The following MAP3K14 variants were observed in gnomAD, a reference collection of about 807,000 sequenced individuals.
The protein encoded by MAP3K14 is NF-kappa-beta-inducing kinase.
MAP3K14 carries 16 observed loss-of-function variants against 99.2 expected under a neutral mutation model. The ratio of observed to expected loss-of-function variants is 0.16; its 90% CI spans 0.11 to 0.24. MAP3K14 has a LOEUF of 0.24. MAP3K14 is among the 10% of genes least tolerant of loss of function. The pLI, the probability that MAP3K14 is intolerant of heterozygous loss-of-function variation, is 1.00. For missense variants in MAP3K14, 784 were observed against 1,208.7 expected (o/e 0.65, Z 5.21); for synonymous variants, 462 against 492.4 (o/e 0.94, Z 0.82).
rs768836429 is a variant in MAP3K14, at chr17:45,286,891, C to G, written c.692G>C (p.Ser231Thr). ...LPRSELHKLI[S>T]PLQCLNHVWK... ...CACGTGGTTCAGACATTGCAAGGGG[C>G]TGATCAGTTTGTGGAGTTCTGATCG... The change falls in exon 5 of 16, where the codon AGC (serine) becomes ACC (threonine). Residue 231 changes from serine to threonine, a missense_variant. Physicochemically the swap from Ser to Thr is moderately conservative, Grantham distance 58. Around this residue, in one of 5 missense-constraint regions of MAP3K14, gnomAD observed 188 missense variants for 313.0 expected, o/e 0.60. Coordinates refer to ENST00000344686, the MANE Select transcript of MAP3K14 (RefSeq NM_003954.5). The surrounding 1 kb of genome is among the most constrained non-coding windows in gnomAD (Gnocchi z 4.1). The G allele has an allele frequency of 6.2e-7, 1 of 1,614,028 alleles. No homozygotes were observed. Among genetic ancestry groups the G allele is most frequent in the Admixed American group, 1.7e-5 (1 of 60,024 alleles).
In MAP3K14 at chr17:45,264,786, G is replaced by A. The variant is rs374276374; in HGVS notation, c.2694C>T (p.Ala898=). Residue 898 remains alanine (A), a synonymous_variant, in exon 16 of 16, where the codon GCC becomes GCT. Coordinates refer to ENST00000344686, the MANE Select transcript of MAP3K14 (RefSeq NM_003954.5). ...TGISSQIPAA[A]FSLVTKDGQP... ...GCCCGTCTTTGGTGACCAAGCTGAAGGCTGCAGCTGGGATCTAAGGGTGGA... is the reference window on the plus strand; with the variant it reads ...GCCCGTCTTTGGTGACCAAGCTGAAAGCTGCAGCTGGGATCTAAGGGTGGA... 4.3e-5 allele frequency: 70 copies of A among 1,613,248 alleles called. No individual in the cohort carries two copies. The highest frequency in any genetic ancestry group is 5.7e-5 in the Non-Finnish European group (67 of 1,179,662).
chr17:45,287,410 G>C, intron 3 of MAP3K14, 46 bp from the exon 4 acceptor site: 4 of 1,540,450 alleles, frequency 2.6e-6, no homozygotes, highest in Admixed American at 1.7e-5. Context: ...GAGGAAGCAG[G>C]AAGATGGACT....
At chr17:45,284,364 G>A (rs1204777518) in intron 6 of MAP3K14, among the ~76,000 whole-genome samples, 1 of 152,364 alleles carries the variant, frequency 6.6e-6, no homozygotes, top group African/African-American at 2.4e-5. Flanking sequence ...GACTCTGGCA[G>A]ATCTGCCCAC....
At chr17:45,299,517 GGA>G (rs1201906768) in intron 1 of MAP3K14, among the ~76,000 whole-genome samples, 1 of 152,150 alleles carries the variant, frequency 6.6e-6, no homozygotes, top group African/African-American at 2.4e-5. Context: ...TCCCTCAGGC[GGA>G]GAAGGAGAAT....
At chr17:45,289,676 C>A (rs2044295490) in intron 2 of MAP3K14, among the ~76,000 whole-genome samples, 1 of 152,226 alleles carries the variant, frequency 6.6e-6, no homozygotes, top group African/African-American at 2.4e-5. Flanking sequence ...TATGTGTGTA[C>A]ATATAAGTGT....
chr17:45,296,919 T>C (rs529103488), intron 1 of MAP3K14, among the ~76,000 whole-genome samples: 14 of 152,314 alleles, frequency 9.2e-5, no homozygotes, highest in Non-Finnish European at 1.9e-4. Flanking sequence ...TCAATGAGTG[T>C]CTCCCAAGTG....
intron 1 of MAP3K14, among the ~76,000 whole-genome samples, chr17:45,304,189 A>C (rs1300337349): frequency 6.6e-6 from 1 of 151,784 alleles, no homozygotes; most frequent in African/African-American, 2.4e-5. Flanking sequence ...TTTTTAGTAG[A>C]GACGGGGTTT....
chr17:45,281,312 A>G (rs544770641), intron 6 of MAP3K14, among the ~76,000 whole-genome samples: 9 of 148,880 alleles, frequency 6.0e-5, no homozygotes, highest in African/African-American at 2.2e-4. Context: ...TGCTAGGATT[A>G]TAGGTATAAG....
chr17:45,275,694 G>T (rs996108506), intron 6 of MAP3K14, among the ~76,000 whole-genome samples: 3 of 150,590 alleles, frequency 2.0e-5, no homozygotes, highest in African/African-American at 7.3e-5. Flanking sequence ...CTGGGTTTTT[G>T]ACTTATCTGA....
chr17:45,305,295 A>G (rs1485995337), intron 1 of MAP3K14, among the ~76,000 whole-genome samples: 1 of 150,836 alleles, frequency 6.6e-6, no homozygotes, highest in Non-Finnish European at 1.5e-5. Context: ...ACAGGATTTC[A>G]CCATGTTAGC....
chr17:45,308,959 G>T (rs186025871), intron 1 of MAP3K14, among the ~76,000 whole-genome samples: 7 of 150,312 alleles, frequency 4.7e-5, no homozygotes, highest in Non-Finnish European at 1.0e-4. Context: ...GAGCCACTGC[G>T]CCTGGCAATG....
chr17:45,286,380 C>T lies in MAP3K14; in HGVS notation c.1152+51G>A, dbSNP rs900967097. 1.4e-5 allele frequency: 21 copies of T among 1,504,046 alleles called. No homozygotes were observed. The highest frequency in any genetic ancestry group is 1.9e-5 in the Non-Finnish European group (21 of 1,124,154). The allele number at this position is 1,504,046 out of a possible 1,614,324, so 93.2% of individuals were successfully genotyped here. ...GACTCTGATAAAGAGAGAAAAGCAT[C>T]CCCCAGGTTGCTGGTAGAGGGACAT... On this transcript the variant is annotated intron_variant, in intron 5 of 15. Transcript: ENST00000344686. The surrounding 1 kb of genome is among the most constrained non-coding windows in gnomAD (Gnocchi z 4.1).
At chr17:45,282,428 G>A (rs1388731214) in intron 6 of MAP3K14, among the ~76,000 whole-genome samples, 1 of 151,892 alleles carries the variant, frequency 6.6e-6, no homozygotes, top group East Asian at 1.9e-4. Flanking sequence ...GGTGGTGCGT[G>A]CCTAAAGTCC....
Position 45,264,424 on chromosome 17 carries a change from T to G in MAP3K14, c.*212A>C, listed in dbSNP as rs2044051299. On this transcript the variant is annotated 3_prime_UTR_variant, in exon 16 of 16. Transcript: ENST00000344686. Reference sequence around the variant, plus strand: ...TCCTCTGTCTCTTCACGTGGCGGAGTGTTTTCTCAGCAGGGTGGGGCAGGG... The same window carrying G: ...TCCTCTGTCTCTTCACGTGGCGGAGGGTTTTCTCAGCAGGGTGGGGCAGGG... 3.6e-6 allele frequency: 2 copies of G among 552,452 alleles called. No homozygotes were observed. Among genetic ancestry groups the G allele is most frequent in the Non-Finnish European group, 6.3e-6 (2 of 315,670 alleles). 34.2% of individuals were successfully genotyped at this position (552,452 alleles called of 1,614,324 possible). A position where few individuals can be genotyped will look rare whatever the true frequency, so the allele number is the denominator to read the frequency against.
intron 6 of MAP3K14, among the ~76,000 whole-genome samples, chr17:45,277,451 C>A (rs985399249): frequency 1.3e-5 from 2 of 152,178 alleles, no homozygotes; most frequent in Non-Finnish European, 2.9e-5. Context: ...AGCCCTGACA[C>A]TGTGGGGTTT....
chr17:45,303,300 A>C (rs7221403), intron 1 of MAP3K14, among the ~76,000 whole-genome samples: 80,477 of 152,050 alleles, frequency 0.53, 21,987 homozygotes, highest in East Asian at 0.87. Context: ...GTGGCTCATG[A>C]CTGTAATCCC....
At chr17:45,268,076 TTGAAAACAGCCCTGGGG>T in intron 11 of MAP3K14, 1 of 278,630 alleles carries the variant, frequency 3.6e-6, no homozygotes, top group Non-Finnish European at 6.7e-6. Flanking sequence ...AAAGAGAAGA[TTGAAAACAGCCCTGGGG>T]CTACACCAAC....
At chr17:45,302,662 TG>T (rs1182077486) in intron 1 of MAP3K14, among the ~76,000 whole-genome samples, 3 of 152,212 alleles carry the variant, frequency 2.0e-5, no homozygotes, top group African/African-American at 7.2e-5. Flanking sequence ...TGGCATGGGA[TG>T]AGAATTTAGG....
chr17:45,293,305 C>T (rs2044325226), intron 1 of MAP3K14, among the ~76,000 whole-genome samples: 2 of 152,202 alleles, frequency 1.3e-5, no homozygotes, highest in African/African-American at 4.8e-5. Flanking sequence ...CCTGTCTCCG[C>T]CTGGCATGGC....
Sources: allele counts gnomAD v4.1 joint callset (sites outside exome capture counted in the v4.1 genomes callset), GRCh38; gene constraint gnomAD v4.1.1; regional missense constraint gnomAD v4.1.1; non-coding constraint Gnocchi (gnomAD v3.1); transcripts MANE v1.5; gene names NCBI Gene and HGNC (gene_info 2026-07-23, HGNC 2026-07-21).